Variants in PTPRR observed in about 807,000 individuals in gnomAD.
PTPRR encodes receptor-type tyrosine-protein phosphatase R.
PTPRR carries 38 observed loss-of-function variants against 77.2 expected under a neutral mutation model. The observed-to-expected ratio is 0.49, with a 90% CI of 0.38 to 0.65. PTPRR has a LOEUF of 0.65. Ranked by LOEUF, PTPRR falls within the 30% of genes least tolerant of loss-of-function variation. PTPRR has a pLI of 0.00. For synonymous variants in PTPRR, 299 were observed against 283.1 expected (o/e 1.06, Z -0.57); for missense variants, 744 against 799.2 (o/e 0.93, Z 0.83).
At chr12:70,873,765 T>C (rs1893001001) in intron 2 of PTPRR, among the ~76,000 whole-genome samples, 1 of 149,742 alleles carries the variant, frequency 6.7e-6, no homozygotes, top group African/African-American at 2.4e-5. Flanking sequence ...CCAGGGACAA[T>C]GTCGGGGAGT....
At chr12:70,903,193 G>T (rs115354347) in intron 1 of PTPRR, among the ~76,000 whole-genome samples, 2 of 151,810 alleles carry the variant, frequency 1.3e-5, no homozygotes, top group African/African-American at 4.8e-5. Flanking sequence ...TTGCACAGCA[G>T]GGTGACTATA....
chr12:70,757,172 C>T (rs1890582877), intron 4 of PTPRR, among the ~76,000 whole-genome samples: 1 of 152,168 alleles, frequency 6.6e-6, no homozygotes, highest in South Asian at 2.1e-4. Context: ...ATTAAACTCA[C>T]ACATTATTGT....
At chr12:70,868,589 G>C (rs1160310733) in intron 2 of PTPRR, among the ~76,000 whole-genome samples, 1 of 151,990 alleles carries the variant, frequency 6.6e-6, no homozygotes, top group African/African-American at 2.4e-5. Flanking sequence ...ACTGTTGGTG[G>C]GACTGTAAAC....
At chr12:70,664,767 A>G (rs1886921477) in intron 10 of PTPRR, 1 of 152,202 alleles carries the variant, frequency 6.6e-6, no homozygotes, top group South Asian at 2.1e-4. Flanking sequence ...AGACAATGCA[A>G]TGTGACTTGT....
intron 2 of PTPRR, among the ~76,000 whole-genome samples, chr12:70,774,247 C>T (rs1481885217): frequency 6.6e-6 from 1 of 152,144 alleles, no homozygotes; most frequent in Admixed American, 6.5e-5. Flanking sequence ...TGCCTGAATC[C>T]CCAGAGGCAG....
intron 6 of PTPRR, among the ~76,000 whole-genome samples, chr12:70,738,305 T>C (rs928007817): frequency 2.0e-5 from 3 of 152,190 alleles, no homozygotes; most frequent in African/African-American, 7.2e-5. Context: ...GTTCGTTGGA[T>C]ATCAGCAACC....
chr12:70,895,693 G>A (rs1426076514), intron 1 of PTPRR, among the ~76,000 whole-genome samples: 1 of 151,640 alleles, frequency 6.6e-6, no homozygotes, highest in East Asian at 1.9e-4. Context: ...CTCTATAGAT[G>A]TAGCCTAGGA....
chr12:70,718,143 A>AT (rs1889102691), intron 6 of PTPRR, among the ~76,000 whole-genome samples: 1 of 152,206 alleles, frequency 6.6e-6, no homozygotes, highest in Admixed American at 6.5e-5. Flanking sequence ...TAAATGTTAT[A>AT]TTTTTTATAG....
At position 70,764,680 on chromosome 12, in the gene PTPRR, G is replaced by A. The variant is rs868697112; in HGVS notation, c.456C>T (p.His152=). Reference sequence around the variant, plus strand: ...GGTATCTTACAATGAGGCGATTGATGTGCACTTGCTGGGGTAAGAGTCCTA... The same window carrying A: ...GGTATCTTACAATGAGGCGATTGATATGCACTTGCTGGGGTAAGAGTCCTA... ...AALGLLPQQV[H]INRLIGKKNS... Residue 152 remains histidine, a synonymous_variant, in exon 3 of 14, where the codon CAC becomes CAT. Coordinates refer to ENST00000283228, the MANE Select transcript of PTPRR (RefSeq NM_002849.4). The A allele has an allele frequency of 3.1e-6, 5 of 1,612,764 alleles. No homozygotes were observed. The South Asian group carries it at 5.5e-5, about 18-fold the overall frequency.
At chr12:70,881,056 C>T (rs969318533) in intron 2 of PTPRR, among the ~76,000 whole-genome samples, 1 of 152,056 alleles carries the variant, frequency 6.6e-6, no homozygotes, top group Non-Finnish European at 1.5e-5. Context: ...TGCTTAGCAG[C>T]CCATTCAAGT....
intron 2 of PTPRR, among the ~76,000 whole-genome samples, chr12:70,769,116 C>A (rs1890904265): frequency 7.3e-6 from 1 of 137,330 alleles, no homozygotes; most frequent in South Asian, 2.3e-4. Context: ...GGGATGCCCT[C>A]TCTCACCACT....
chr12:70,720,604 C>T (rs1028091147), intron 6 of PTPRR, among the ~76,000 whole-genome samples: 3 of 151,418 alleles, frequency 2.0e-5, no homozygotes, highest in Admixed American at 6.6e-5. Context: ...CTCCAACTCC[C>T]GGGTTCAAGC....
At chr12:70,864,997 T>A (rs1323813584) in intron 2 of PTPRR, among the ~76,000 whole-genome samples, 2 of 152,078 alleles carry the variant, frequency 1.3e-5, no homozygotes, top group African/African-American at 4.8e-5. Flanking sequence ...GTATTTTTAG[T>A]ACAGACGGGG....
chr12:70,830,578 T>C (rs771502795), intron 2 of PTPRR, among the ~76,000 whole-genome samples: 9 of 152,176 alleles, frequency 5.9e-5, no homozygotes, highest in African/African-American at 9.7e-5. Flanking sequence ...GCATGAACAA[T>C]AGTACAATCT....
intron 2 of PTPRR, among the ~76,000 whole-genome samples, chr12:70,883,526 C>T: frequency 6.6e-6 from 1 of 152,166 alleles, no homozygotes; most frequent in South Asian, 2.1e-4. Context: ...CCCTAGTTCT[C>T]TCCTTTAACC....
At chr12:70,806,780 G>A (rs907111675) in intron 2 of PTPRR, among the ~76,000 whole-genome samples, 15 of 152,006 alleles carry the variant, frequency 9.9e-5, no homozygotes, top group Admixed American at 3.3e-4. Flanking sequence ...CCCAACCTAA[G>A]TGCTACTTCC....
intron 2 of PTPRR, among the ~76,000 whole-genome samples, chr12:70,843,352 T>C (rs1192160052): frequency 2.0e-5 from 3 of 152,224 alleles, no homozygotes; most frequent in Non-Finnish European, 2.9e-5. Flanking sequence ...TTTAAAAATG[T>C]TTAACTTTCT....
Position 70,920,444 on chromosome 12 carries a change from A to G in PTPRR, c.-54T>C, listed in dbSNP as rs1320468389. The G allele has an allele frequency of 1.3e-6, 2 of 1,557,262 alleles. No homozygotes were observed. Among genetic ancestry groups the G allele is most frequent in the East Asian group, 2.3e-5 (1 of 44,038 alleles). ...ACTCCACCACGACCCCACTTCAGGT[A>G]AAGTGCTATTAGAAAGAGCCACCGC... On this transcript the variant is annotated 5_prime_UTR_variant, in exon 1 of 14. Transcript: ENST00000283228.
intron 2 of PTPRR, among the ~76,000 whole-genome samples, chr12:70,825,164 A>G (rs1037695019): frequency 1.3e-4 from 19 of 151,968 alleles, no homozygotes; most frequent in Non-Finnish European, 1.5e-4. Flanking sequence ...TGTAGTCCCA[A>G]CTACTCGGGA....
Sources: gnomAD v4.1 joint callset for allele counts (sites outside exome capture counted in the v4.1 genomes callset) on GRCh38, gnomAD v4.1.1 for gene constraint, MANE v1.5 for transcripts, NCBI Gene and HGNC (gene_info 2026-07-23, HGNC 2026-07-21) for gene names.